The following RAD17 variants were observed in gnomAD, a reference collection of about 807,000 sequenced individuals.
RAD17 encodes the protein RAD17 checkpoint clamp loader component.
Under a neutral mutation model 81.5 loss-of-function variants are expected in RAD17, and 31 were observed. That is an observed-to-expected ratio of 0.38 (90% CI 0.29 to 0.51). The LOEUF (loss-of-function observed/expected upper bound fraction) is 0.51. RAD17 is among the 20% of genes least tolerant of loss of function. The pLI, the probability that RAD17 is intolerant of heterozygous loss-of-function variation, is 0.88. For missense variants in RAD17, 681 were observed against 781.2 expected (o/e 0.87, Z 1.53); for synonymous variants, 261 against 266.2 (o/e 0.98, Z 0.19).
chr5:69,393,538 A>G, intron 15 of RAD17, 38 bp downstream of exon 15: 1 of 1,535,134 alleles, frequency 6.5e-7, no homozygotes, highest in African/African-American at 1.4e-5. Context: ...TGTTTATAGT[A>G]TTTCCTTAGA....
intron 4 of RAD17, among the ~76,000 whole-genome samples, chr5:69,373,191 C>CT (rs1211736658): frequency 6.6e-6 from 1 of 151,800 alleles, no homozygotes; most frequent in Non-Finnish European, 1.5e-5. Context: ...TTTTGTTTTG[C>CT]TTTTTTTAAT....
At chr5:69,379,885 CT>C (rs1166961859) in intron 6 of RAD17, among the ~76,000 whole-genome samples, 506 of 142,900 alleles carry the variant, frequency 3.5e-3, no homozygotes, top group Middle Eastern at 3.5e-3. Flanking sequence ...TAGTTAACTT[CT>C]TTTTTTTTTT....
chr5:69,387,813 C>T (rs575709237), intron 11 of RAD17, among the ~76,000 whole-genome samples: 14 of 152,048 alleles, frequency 9.2e-5, no homozygotes, highest in South Asian at 4.2e-4. Context: ...GCCGAGATTG[C>T]GCTACTTCAC....
At chr5:69,375,631 T>TG (rs1177673508) in intron 6 of RAD17, among the ~76,000 whole-genome samples, 1 of 152,168 alleles carries the variant, frequency 6.6e-6, no homozygotes, top group East Asian at 1.9e-4. Context: ...AGTATGTCTG[T>TG]TTTTTTAAAA....
chr5:69,391,211 CAG>C, intron 12 of RAD17, among the ~76,000 whole-genome samples: 1 of 143,986 alleles, frequency 6.9e-6, no homozygotes, highest in African/African-American at 2.6e-5. Flanking sequence ...GCCTGGGCAA[CAG>C]AGCGAGACTC....
intron 16 of RAD17, among the ~76,000 whole-genome samples, chr5:69,398,223 C>T (rs893695666): frequency 6.6e-6 from 1 of 152,084 alleles, no homozygotes; most frequent in Non-Finnish European, 1.5e-5. Context: ...CTCAATTTAG[C>T]CATTCTACCA....
At chr5:69,410,965 C>CTATATATATATATATATATATATATATA (rs1554044686) in intron 18 of RAD17, among the ~76,000 whole-genome samples, 1 of 90,262 alleles carries the variant, frequency 1.1e-5, no homozygotes, top group African/African-American at 4.9e-5. Flanking sequence ...AGATGTCTGT[C>CTATATATATATATATATATATATATATA]TATATATATA....
At position 69,372,162 on chromosome 5, in the gene RAD17, A is replaced by G. The variant is rs572208821; in HGVS notation, c.-47A>G. On this transcript the variant is annotated 5_prime_UTR_variant, in exon 4 of 19. Coordinates refer to ENST00000354868, the MANE Select transcript of RAD17 (RefSeq NM_133338.3). The stretch of plus-strand genomic sequence containing the variant: ...TCATACTCTCAAAAATATAGAGGAA[A>G]GGGGCCAAGATTATAGTACCAGTCA... The G allele has an allele frequency of 3.1e-6, 5 of 1,593,714 alleles. No homozygotes were observed. In the East Asian group the frequency reaches 9.0e-5, roughly 29 times the overall value.
chr5:69,385,005 G>C, intron 8 of RAD17, 72 bp downstream of exon 8: 3 of 1,327,370 alleles, frequency 2.3e-6, no homozygotes, highest in Non-Finnish European at 3.0e-6. Context: ...TGTCACCCAG[G>C]CTGGAGTGCA....
chr5:69,375,388 A>T (rs1470739957), intron 6 of RAD17, among the ~76,000 whole-genome samples: 2 of 152,098 alleles, frequency 1.3e-5, no homozygotes, highest in Non-Finnish European at 2.9e-5. Flanking sequence ...TTTTAGACTG[A>T]TATTTTTTGT....
intron 11 of RAD17, among the ~76,000 whole-genome samples, chr5:69,387,726 G>A (rs1330452903): frequency 6.6e-6 from 1 of 152,118 alleles, no homozygotes; most frequent in South Asian, 2.1e-4. Flanking sequence ...ATGTGGTGGC[G>A]GGTACCTATA....
chr5:69,402,054 T>G (rs1459497619), intron 17 of RAD17, among the ~76,000 whole-genome samples: 1 of 143,378 alleles, frequency 7.0e-6, no homozygotes, highest in Non-Finnish European at 1.5e-5. Context: ...AAACTTTTTG[T>G]TTTTTTTTTT....
At chr5:69,369,767 G>T (rs879604827), upstream of RAD17, 6 of 1,469,094 alleles carry the variant, frequency 4.1e-6, no homozygotes, top group Non-Finnish European at 5.6e-6. Context: ...CTCCTTCGGT[G>T]GTCCCCGCCC....
At chr5:69,370,203 G>A (rs148731255) in intron 1 of RAD17, 10 of 158,878 alleles carry the variant, frequency 6.3e-5, no homozygotes, top group Non-Finnish European at 9.7e-5. Flanking sequence ...GGTCGGCTAG[G>A]AATAGTCTTG....
At chr5:69,380,532 T>C (rs1326600308) in intron 6 of RAD17, among the ~76,000 whole-genome samples, 2 of 152,356 alleles carry the variant, frequency 1.3e-5, no homozygotes, top group East Asian at 1.9e-4. Context: ...CTATAACTCA[T>C]GCACTGCCCC....
In RAD17 at chr5:69,373,898, C is replaced by T. The variant is rs748428439; in HGVS notation, c.78C>T (p.Ala26=). ...LECSGVSTIT[A]TSLGVNNSSH... ...GTAGTGGCGTCTCTACTATTACTGCCACATCATTAGGTGTGAATAACTCAA... is the reference window on the plus strand; with the variant it reads ...GTAGTGGCGTCTCTACTATTACTGCTACATCATTAGGTGTGAATAACTCAA... The change falls in exon 5 of 19, where the codon GCC becomes GCT. Residue 26 remains alanine, a synonymous_variant. Coordinates refer to ENST00000354868, the MANE Select transcript of RAD17 (RefSeq NM_133338.3). 2 of 1,609,194 alleles carry T rather than the reference C, an allele frequency of 1.2e-6. No homozygotes were observed. The highest frequency in any genetic ancestry group is 2.2e-5 in the South Asian group (2 of 90,948).
At chr5:69,369,484 G>A (rs1327105532), upstream of RAD17, 3 of 1,611,386 alleles carry the variant, frequency 1.9e-6, no homozygotes, top group Middle Eastern at 1.7e-4. Flanking sequence ...ATGTTCGGAA[G>A]CAACATGGTC....
At chr5:69,397,228 A>T (rs10078100) in intron 16 of RAD17, among the ~76,000 whole-genome samples, 52,067 of 151,350 alleles carry the variant, frequency 0.34, 10,451 homozygotes, top group Non-Finnish European at 0.46. Flanking sequence ...TGCAACCTCT[A>T]CCTCCTAGGT....
Position 69,388,237 on chromosome 5 carries a change from AAAG to A in RAD17, c.895-785_895-783del, listed in dbSNP as rs202008964. On this transcript the variant is annotated intron_variant, in intron 11 of 18. Coordinates refer to ENST00000354868, the MANE Select transcript of RAD17 (RefSeq NM_133338.3). ...TTAGTTCAAGTGGCTCTGGTTTAAA[AAAG>A]AAGAAGAAGAAATAATTGGTGTAAT... 9.1e-3 allele frequency among the ~76,000 whole-genome samples: 1,389 copies of A among 152,316 alleles called. 24 individuals carry two copies. The highest frequency in any genetic ancestry group is 0.032 in the African/African-American group (1,319 of 41,562).
Sources: allele counts gnomAD v4.1 joint callset (sites outside exome capture counted in the v4.1 genomes callset), GRCh38; gene constraint gnomAD v4.1.1; transcripts MANE v1.5; gene names NCBI Gene and HGNC (gene_info 2026-07-23, HGNC 2026-07-21).